Variants in ASIC2 observed in about 807,000 individuals in gnomAD.
ASIC2 encodes the protein acid-sensing ion channel 2.
Under a neutral mutation model 57.3 loss-of-function variants are expected in ASIC2, and 25 were observed. That is an observed-to-expected ratio of 0.44 (90% CI 0.32 to 0.61). ASIC2 has a LOEUF of 0.61. Ranked by LOEUF, ASIC2 falls within the 20% of genes least tolerant of loss-of-function variation. The probability of loss-of-function intolerance (pLI) is 0.06; values close to 1 mark genes in which losing one functional copy is unlikely to be tolerated. For synonymous variants in ASIC2, 319 were observed against 307.5 expected (o/e 1.04, Z -0.39); for missense variants, 641 against 738.1 (o/e 0.87, Z 1.52).
chr17:33,750,073 C>A (rs558023913), intron 1 of ASIC2, among the ~76,000 whole-genome samples: 2 of 152,298 alleles, frequency 1.3e-5, no homozygotes, highest in East Asian at 3.9e-4. Context: ...CTACTCCTGT[C>A]CATTGCATAT....
chr17:33,422,685 A>G (rs1911086834), intron 1 of ASIC2, among the ~76,000 whole-genome samples: 1 of 152,154 alleles, frequency 6.6e-6, no homozygotes, highest in Non-Finnish European at 1.5e-5. Context: ...TACCCCTTCA[A>G]CACAGAGAGA....
chr17:33,669,876 A>G (rs975217869), intron 1 of ASIC2, among the ~76,000 whole-genome samples: 4 of 152,186 alleles, frequency 2.6e-5, no homozygotes, highest in Admixed American at 1.3e-4. Context: ...CCATAAGACA[A>G]ACAACCTACA....
At chr17:33,283,678 G>T (rs990662173) in intron 1 of ASIC2, among the ~76,000 whole-genome samples, 1 of 152,178 alleles carries the variant, frequency 6.6e-6, no homozygotes, top group African/African-American at 2.4e-5. Context: ...TAATTCAAAT[G>T]CTGGCTCTTC....
intron 1 of ASIC2, among the ~76,000 whole-genome samples, chr17:33,288,527 A>C (rs1905284512): frequency 6.6e-6 from 1 of 152,044 alleles, no homozygotes; most frequent in Non-Finnish European, 1.5e-5. Context: ...GAACCACTGA[A>C]AGGTTTGAAG....
At chr17:33,038,902 G>A (rs1372427636) in intron 3 of ASIC2, among the ~76,000 whole-genome samples, 2 of 152,038 alleles carry the variant, frequency 1.3e-5, no homozygotes, top group Admixed American at 6.5e-5. Flanking sequence ...CGCAGCCCTC[G>A]CAGCCCTAAG....
At chr17:33,486,314 T>A (rs1840187838) in intron 1 of ASIC2, among the ~76,000 whole-genome samples, 1 of 152,214 alleles carries the variant, frequency 6.6e-6, no homozygotes, top group East Asian at 1.9e-4. Flanking sequence ...TTCAGAGATG[T>A]TAAGTAACTT....
At chr17:33,941,137 A>G (rs868662831) in intron 1 of ASIC2, among the ~76,000 whole-genome samples, 20 of 152,280 alleles carry the variant, frequency 1.3e-4, no homozygotes, top group Middle Eastern at 6.8e-3. Flanking sequence ...TAAGTGCAGG[A>G]GCCTAGGTGA....
chr17:33,741,460 C>G (rs1289359577), intron 1 of ASIC2, among the ~76,000 whole-genome samples: 1 of 152,148 alleles, frequency 6.6e-6, no homozygotes, highest in Non-Finnish European at 1.5e-5. Flanking sequence ...CATGCGTGAG[C>G]CTGCTCTTTG....
At chr17:33,108,369 G>C (rs571952735) in intron 2 of ASIC2, among the ~76,000 whole-genome samples, 1 of 152,282 alleles carries the variant, frequency 6.6e-6, no homozygotes, top group South Asian at 2.1e-4. Flanking sequence ...TGGGGATTGA[G>C]AGGTGGGAAT....
At chr17:33,986,875 G>A (rs1275730608) in intron 1 of ASIC2, among the ~76,000 whole-genome samples, 1 of 152,166 alleles carries the variant, frequency 6.6e-6, no homozygotes, top group Non-Finnish European at 1.5e-5. Flanking sequence ...CAACACCAAT[G>A]TGGCAAAGCT....
intron 1 of ASIC2, among the ~76,000 whole-genome samples, chr17:33,649,474 G>A (rs1211431497): frequency 6.6e-6 from 1 of 152,160 alleles, no homozygotes; most frequent in Non-Finnish European, 1.5e-5. Flanking sequence ...TGACATACAG[G>A]TTTAATGCAA....
intron 1 of ASIC2, among the ~76,000 whole-genome samples, chr17:33,778,268 G>T (rs1390095491): frequency 6.6e-6 from 1 of 152,058 alleles, no homozygotes; most frequent in Non-Finnish European, 1.5e-5. Flanking sequence ...GTGTAAAAAA[G>T]AAAAATATGG....
chr17:33,860,961 C>G (rs1914086589), intron 1 of ASIC2, among the ~76,000 whole-genome samples: 1 of 152,196 alleles, frequency 6.6e-6, no homozygotes, highest in African/African-American at 2.4e-5. Flanking sequence ...AGCACCCACA[C>G]TGTGTACTAA....
chr17:33,139,202 G>A (rs1427721354), intron 1 of ASIC2, among the ~76,000 whole-genome samples: 1 of 152,108 alleles, frequency 6.6e-6, no homozygotes, highest in Non-Finnish European at 1.5e-5. Context: ...CTGACCTTGG[G>A]ACTGTTAGTT....
intron 1 of ASIC2, among the ~76,000 whole-genome samples, chr17:34,084,757 C>T (rs59327071): frequency 2.6e-5 from 4 of 152,158 alleles, no homozygotes; most frequent in African/African-American, 4.8e-5. Flanking sequence ...AGGTCCTTTA[C>T]GTCCCTTGTA....
chr17:33,839,531 T>G (rs886765313), intron 1 of ASIC2, among the ~76,000 whole-genome samples: 2 of 152,080 alleles, frequency 1.3e-5, no homozygotes, highest in Admixed American at 6.5e-5. Flanking sequence ...GGGCTGGGAC[T>G]CTGCAAACCA....
intron 2 of ASIC2, among the ~76,000 whole-genome samples, chr17:33,110,273 C>G (rs1384581182): frequency 6.6e-6 from 1 of 152,138 alleles, no homozygotes; most frequent in African/African-American, 2.4e-5. Context: ...CTTTGGGGAC[C>G]AAGACTCCAC....
chr17:33,895,036 G>A (rs1376269746), intron 1 of ASIC2, among the ~76,000 whole-genome samples: 1 of 152,142 alleles, frequency 6.6e-6, no homozygotes, highest in African/African-American at 2.4e-5. Context: ...CTGCTGGGTT[G>A]TACATTCAAG....
At chr17:33,407,426 G>A (rs538779010) in intron 1 of ASIC2, among the ~76,000 whole-genome samples, 2 of 152,138 alleles carry the variant, frequency 1.3e-5, no homozygotes, top group South Asian at 4.2e-4. Context: ...TGATCCATTC[G>A]GCTAATGCCT....
Sources: allele counts gnomAD v4.1 joint callset (sites outside exome capture counted in the v4.1 genomes callset), GRCh38; gene constraint gnomAD v4.1.1; transcripts MANE v1.5; gene names NCBI Gene and HGNC (gene_info 2026-07-23, HGNC 2026-07-21).